DYNC2LI1: variants seen among roughly 807,000 people sequenced by gnomAD.
DYNC2LI1 encodes cytoplasmic dynein 2 light intermediate chain 1.
In DYNC2LI1, 45 loss-of-function variants were observed where a neutral mutation model predicts 51.9. The ratio of observed to expected loss-of-function variants is 0.87; its 90% CI spans 0.68 to 1.11. DYNC2LI1 has a LOEUF of 1.11. Ranked by LOEUF, DYNC2LI1 falls within the 50% of genes most tolerant of loss-of-function variation. The pLI is 0.00. For missense variants in DYNC2LI1, 490 were observed against 417.4 expected, an observed-to-expected ratio of 1.17 and a Z score of -1.51; for synonymous variants, 130 against 137.8, an observed-to-expected ratio of 0.94 and a Z score of 0.40.
chr2:43,813,433 A>G, downstream of DYNC2LI1: 1 of 734,242 alleles, frequency 1.4e-6, no homozygotes, highest in Non-Finnish European at 2.4e-6. Flanking sequence ...GCAAGCCCAG[A>G]GTTTACAATT....
chr2:43,794,721 T>C (rs1266670030), intron 6 of DYNC2LI1, 78 bp downstream of exon 6: 7 of 1,607,434 alleles, frequency 4.4e-6, no homozygotes, highest in African/African-American at 1.3e-5. Context: ...ACAACTTCTT[T>C]AGATTTTTAT....
chr2:43,824,768 G>A, the DYNC2LI1 span: 3 of 1,503,224 alleles, frequency 2.0e-6, no homozygotes, highest in East Asian at 4.9e-5. Flanking sequence ...TCCTTGAAGA[G>A]TATAAAACAC....
In DYNC2LI1 at chr2:43,807,743, CAAAAAAAAAAAAAAAAA is replaced by C. The variant is rs536977133; in HGVS notation, c.994-1948_994-1932del. Among the ~76,000 whole-genome samples, 21 of 41,636 alleles carry C rather than the reference CAAAAAAAAAAAAAAAAA, an allele frequency of 5.0e-4. 1 individual carries two copies. In the South Asian group the frequency reaches 0.029, roughly 57 times the overall value. The allele number at this position is 41,636 out of a possible 152,430, so 27.3% of individuals were successfully genotyped here. A position where few individuals can be genotyped will look rare whatever the true frequency, so the allele number is the denominator to read the frequency against. ...TTCTTTTCTATTATTTTTGTTAAAGCAAAAAAAAAAAAAAAAAAAAAAAAAAAAAAGGTTACAGTTAA... is the reference window on the plus strand; with the variant it reads ...TTCTTTTCTATTATTTTTGTTAAAGCAAAAAAAAAAAAAGGTTACAGTTAA... On this transcript the variant is annotated intron_variant, in intron 12 of 12. Coordinates refer to ENST00000260605, the MANE Select transcript of DYNC2LI1 (RefSeq NM_016008.4).
the DYNC2LI1 span, among the ~76,000 whole-genome samples, chr2:43,827,715 T>C: frequency 6.6e-6 from 1 of 152,274 alleles, no homozygotes; most frequent in East Asian, 1.9e-4. Context: ...CAAGGCTCCA[T>C]ATTCAAGGAA....
the DYNC2LI1 span, chr2:43,823,975 C>G: frequency 6.2e-7 from 1 of 1,614,200 alleles, no homozygotes; most frequent in Non-Finnish European, 8.5e-7. Context: ...GTAAAGGAGA[C>G]CTACGCGGTC....
chr2:43,801,584 G>A lies in DYNC2LI1; in HGVS notation c.732-55G>A, dbSNP rs17031591. On this transcript the variant is annotated intron_variant, in intron 9 of 12. Transcript: ENST00000260605. ...ATTGCTGTCATATTTACAGGAGAGC[G>A]TGGCAGCAAATCTAATTGCTAAACT... is the stretch of plus-strand genomic sequence containing the variant. 10,058 of 1,314,534 alleles carry A rather than the reference G, an allele frequency of 7.7e-3. 196 individuals carry two copies. The highest frequency in any genetic ancestry group is 0.063 in the African/African-American group (4,328 of 69,118). 81.4% of individuals were successfully genotyped at this position (1,314,534 alleles called of 1,614,324 possible). A position where few individuals can be genotyped will look rare whatever the true frequency, so the allele number is the denominator to read the frequency against.
At chr2:43,775,408 T>C (rs1672964154) in intron 1 of DYNC2LI1, among the ~76,000 whole-genome samples, 1 of 152,164 alleles carries the variant, frequency 6.6e-6, no homozygotes, top group South Asian at 2.1e-4. Flanking sequence ...TTTTATCGTG[T>C]AAAGTTATAT....
intron 1 of DYNC2LI1, chr2:43,775,629 C>T: frequency 3.1e-6 from 1 of 324,734 alleles, no homozygotes; most frequent in Non-Finnish European, 5.9e-6. Context: ...TCCCTAGTAG[C>T]TGGGACCACG....
intron 1 of DYNC2LI1, among the ~76,000 whole-genome samples, chr2:43,774,381 C>G (rs770159928): frequency 2.6e-5 from 4 of 152,192 alleles, no homozygotes; most frequent in Admixed American, 6.5e-5. Context: ...GCAACTCCAC[C>G]CATTCAATGA....
At chr2:43,823,061 G>C in the DYNC2LI1 span, 1 of 1,309,908 alleles carries the variant, frequency 7.6e-7, no homozygotes, top group Non-Finnish European at 1.1e-6. Context: ...GGGTTCCCTA[G>C]TCATAGAAGG....
the DYNC2LI1 span, chr2:43,819,999 C>T: frequency 1.2e-6 from 2 of 1,614,112 alleles, no homozygotes; most frequent in South Asian, 1.1e-5. Context: ...TTGGACGATA[C>T]CAAGTAGCAC....
At chr2:43,797,214 C>G (rs1158625637) in intron 8 of DYNC2LI1, among the ~76,000 whole-genome samples, 6 of 152,172 alleles carry the variant, frequency 3.9e-5, no homozygotes, top group Non-Finnish European at 8.8e-5. Context: ...AACATGAAAT[C>G]TGAAGTCATG....
intron 3 of DYNC2LI1, among the ~76,000 whole-genome samples, chr2:43,785,437 AAAACACAAAT>A (rs1486278679): frequency 6.6e-6 from 1 of 151,930 alleles, no homozygotes; most frequent in East Asian, 2.0e-4. Context: ...AGAAACAAAA[AAAACACAAAT>A]ATTGGGGTGG....
At position 43,787,178 on chromosome 2, in the gene DYNC2LI1, C is replaced by T; in HGVS notation, c.162-3C>T. On this transcript the variant is annotated splice_region_variant and splice_polypyrimidine_tract_variant and intron_variant, in intron 3 of 12. Transcript: ENST00000260605. ...GATAATACTATCGGCCTTTATTATA[C>T]AGAGATGAACCACCAAAACCAACCT... is the stretch of plus-strand genomic sequence containing the variant. 6.2e-7 allele frequency: 1 copy of T among 1,610,348 alleles called. No individual in the cohort carries two copies. Among genetic ancestry groups the T allele is most frequent in the Non-Finnish European group, 8.5e-7 (1 of 1,177,066 alleles).
At chr2:43,813,338 G>A, downstream of DYNC2LI1, 1 of 1,522,946 alleles carries the variant, frequency 6.6e-7, no homozygotes, top group Non-Finnish European at 9.1e-7. Context: ...ACAGTGTCAG[G>A]TGTGGTTTAT....
chr2:43,783,412 T>C lies in DYNC2LI1; in HGVS notation c.127-108T>C, dbSNP rs994848632. 3.5e-6 allele frequency: 3 copies of C among 850,224 alleles called. No individual in the cohort carries two copies. In the Admixed American group the frequency reaches 8.6e-5, roughly 24 times the overall value. 52.7% of individuals were successfully genotyped at this position (850,224 alleles called of 1,614,324 possible). ...TCTAGTTTTTAGTTTCCAGGTAATTTATCATTCAATTGATTAAAAATCTAT... is the reference window on the plus strand; with the variant it reads ...TCTAGTTTTTAGTTTCCAGGTAATTCATCATTCAATTGATTAAAAATCTAT... On this transcript the variant is annotated intron_variant, in intron 2 of 12. Coordinates refer to ENST00000260605, the MANE Select transcript of DYNC2LI1 (RefSeq NM_016008.4).
the DYNC2LI1 span, chr2:43,823,925 C>T: frequency 7.4e-6 from 12 of 1,614,100 alleles, no homozygotes; most frequent in South Asian, 5.5e-5. Context: ...AGATTCACAG[C>T]GTTCAGCATG....
intron 3 of DYNC2LI1, 117 bp from the exon 4 acceptor site, chr2:43,787,064 A>C: frequency 1.4e-6 from 1 of 708,274 alleles, no homozygotes; most frequent in Non-Finnish European, 2.4e-6. Flanking sequence ...CTATTATACA[A>C]GGTAACTTCT....
chr2:43,825,140 G>A, the DYNC2LI1 span: 1 of 1,211,738 alleles, frequency 8.3e-7, no homozygotes, highest in Non-Finnish European at 1.2e-6. Context: ...AAGTCCTTAT[G>A]GGAAATGCAT....
Sources: gnomAD v4.1 joint callset for allele counts (sites outside exome capture counted in the v4.1 genomes callset) on GRCh38, gnomAD v4.1.1 for gene constraint, MANE v1.5 for transcripts, NCBI Gene and HGNC (gene_info 2026-07-23, HGNC 2026-07-21) for gene names.